MCTP1: variants seen among roughly 807,000 people sequenced by gnomAD.
The protein encoded by MCTP1 is multiple C2 and transmembrane domain containing 1.
A neutral mutation model predicts 120.6 loss-of-function variants in MCTP1; 69 were observed. The observed-to-expected ratio is 0.57, with a 90% confidence interval of 0.47 to 0.70. The LOEUF (loss-of-function observed/expected upper bound fraction) is 0.70, where lower values mean the gene tolerates loss of function less well. MCTP1 is among the 30% of genes least tolerant of loss of function. The probability of loss-of-function intolerance (pLI) is 0.00; values close to 1 mark genes in which losing one functional copy is unlikely to be tolerated. For synonymous variants in MCTP1, 529 were observed against 493.1 expected (o/e 1.07, Z -0.96); for missense variants, 1,203 against 1,248.8 (o/e 0.96, Z 0.55).
chr5:94,815,045 A>G (rs2153080103), intron 17 of MCTP1, among the ~76,000 whole-genome samples: 1 of 152,274 alleles, frequency 6.6e-6, no homozygotes, highest in South Asian at 2.1e-4. Context: ...GCAGGAATAC[A>G]TGTTATGAGG....
At chr5:95,248,285 G>A (rs992562817) in intron 1 of MCTP1, among the ~76,000 whole-genome samples, 12 of 152,134 alleles carry the variant, frequency 7.9e-5, no homozygotes, top group African/African-American at 2.4e-4. Context: ...CATCGTCTCA[G>A]CCCAAAATCT....
chr5:95,047,927 C>T (rs1319264724), intron 1 of MCTP1, among the ~76,000 whole-genome samples: 1 of 152,126 alleles, frequency 6.6e-6, no homozygotes, highest in African/African-American at 2.4e-5. Flanking sequence ...AAATTTGGTA[C>T]ATACATTGTT....
chr5:95,156,759 T>C (rs1175759303), intron 1 of MCTP1, among the ~76,000 whole-genome samples: 2 of 152,222 alleles, frequency 1.3e-5, no homozygotes, highest in Non-Finnish European at 2.9e-5. Flanking sequence ...TTGTAATTAA[T>C]TGTAAATATT....
intron 1 of MCTP1, among the ~76,000 whole-genome samples, chr5:95,082,090 C>T (rs1291360096): frequency 6.6e-6 from 1 of 152,084 alleles, no homozygotes; most frequent in African/African-American, 2.4e-5. Flanking sequence ...CAAGAAGTGG[C>T]ATGCTTTACA....
intron 18 of MCTP1, among the ~76,000 whole-genome samples, chr5:94,779,486 T>C (rs1580646931): frequency 1.3e-5 from 2 of 152,290 alleles, no homozygotes; most frequent in Middle Eastern, 3.4e-3. Flanking sequence ...GATTCTGCTG[T>C]CTGTATTAAT....
intron 16 of MCTP1, among the ~76,000 whole-genome samples, chr5:94,869,551 T>C (rs1393946586): frequency 6.6e-6 from 1 of 152,074 alleles, no homozygotes; most frequent in African/African-American, 2.4e-5. Flanking sequence ...ATTGCATTTG[T>C]AACTCACACA....
intron 7 of MCTP1, among the ~76,000 whole-genome samples, chr5:94,922,119 A>C (rs1204538128): frequency 6.6e-6 from 1 of 152,214 alleles, no homozygotes; most frequent in African/African-American, 2.4e-5. Flanking sequence ...TCAACTCTTC[A>C]TTGTCATAGG....
intron 20 of MCTP1, among the ~76,000 whole-genome samples, chr5:94,711,727 C>G (rs1465164786): frequency 7.6e-6 from 1 of 131,926 alleles, no homozygotes; most frequent in South Asian, 2.3e-4. Flanking sequence ...GTAGAAGTTA[C>G]AAAAAAAAAA....
intron 2 of MCTP1, among the ~76,000 whole-genome samples, chr5:95,007,799 T>C (rs1382689769): frequency 2.0e-5 from 3 of 152,214 alleles, no homozygotes; most frequent in Non-Finnish European, 4.4e-5. Context: ...TACATTCTTA[T>C]TCCACCTTGA....
chr5:94,961,993 T>G (rs917310581), intron 2 of MCTP1, among the ~76,000 whole-genome samples: 2 of 152,096 alleles, frequency 1.3e-5, no homozygotes, highest in Admixed American at 1.3e-4. Context: ...CTCTGTGGGT[T>G]GACAATTCTC....
chr5:95,152,594 C>T (rs987941350), intron 1 of MCTP1, among the ~76,000 whole-genome samples: 1 of 152,152 alleles, frequency 6.6e-6, no homozygotes, highest in Non-Finnish European at 1.5e-5. Context: ...GCTTCATTAA[C>T]GAGGGTTATC....
chr5:94,939,878 G>A (rs1015678353), intron 5 of MCTP1, among the ~76,000 whole-genome samples: 7 of 152,028 alleles, frequency 4.6e-5, no homozygotes, highest in African/African-American at 1.7e-4. Flanking sequence ...TTTACAACAA[G>A]AGGTTCTGAT....
In MCTP1 at chr5:94,714,983, TAAAC is replaced by T; in HGVS notation, c.2611-101_2611-98del. On this transcript the variant is annotated intron_variant, in intron 19 of 22. Coordinates refer to ENST00000515393, the MANE Select transcript of MCTP1 (RefSeq NM_024717.7). ...CCTCTGTTACATTTTTAAACTTAAA[TAAAC>T]TTCATTTTCGTGTGGTTATAAATGG... 9.4e-6 allele frequency: 7 copies of T among 742,598 alleles called. No homozygotes were observed. In the Middle Eastern group the frequency reaches 8.4e-4, roughly 89 times the overall value. 46.0% of individuals were successfully genotyped at this position (742,598 alleles called of 1,614,324 possible).
chr5:95,279,442 T>C (rs1760134721), intron 1 of MCTP1, among the ~76,000 whole-genome samples: 1 of 152,222 alleles, frequency 6.6e-6, no homozygotes, highest in Non-Finnish European at 1.5e-5. Context: ...AGGCTACTTT[T>C]TCCAACACTG....
At chr5:94,710,742 G>A in intron 21 of MCTP1, 76 bp downstream of exon 21, 1 of 892,228 alleles carries the variant, frequency 1.1e-6, no homozygotes, top group Non-Finnish European at 1.8e-6. Context: ...ACTGCTGACA[G>A]TGTAACTCAT....
rs376321789 is a variant in MCTP1 at position 95,216,240 on chromosome 5, C to A, written c.720+67616G>T. On this transcript the variant is annotated intron_variant, in intron 1 of 22. Coordinates refer to ENST00000515393, the MANE Select transcript of MCTP1 (RefSeq NM_024717.7). ...CTTGACTTTGGAAATGCCTTTGTGT[C>A]ATGTTATTTACAGATAACTCAGTAA... Among the ~76,000 whole-genome samples the A allele has an allele frequency of 3.3e-5, 5 of 152,286 alleles. No homozygotes were observed. The South Asian group carries it at 1.0e-3, about 32-fold the overall frequency.
intron 17 of MCTP1, among the ~76,000 whole-genome samples, chr5:94,816,231 C>T (rs932755031): frequency 6.6e-6 from 1 of 151,998 alleles, no homozygotes; most frequent in African/African-American, 2.4e-5. Context: ...ATGGATACAA[C>T]ATTAGATGTG....
intron 1 of MCTP1, among the ~76,000 whole-genome samples, chr5:95,060,912 T>C (rs893029365): frequency 1.2e-4 from 18 of 149,142 alleles, no homozygotes; most frequent in Admixed American, 4.7e-4. Context: ...AGGCAGAGGT[T>C]GTAGTGGGCA....
intron 1 of MCTP1, among the ~76,000 whole-genome samples, chr5:95,070,794 G>C (rs1461470316): frequency 6.6e-6 from 1 of 152,196 alleles, no homozygotes; most frequent in Admixed American, 6.5e-5. Context: ...GCCTAAGAGG[G>C]ATTGCAGAGG....
Sources: gnomAD v4.1 joint callset for allele counts (sites outside exome capture counted in the v4.1 genomes callset) on GRCh38, gnomAD v4.1.1 for gene constraint, MANE v1.5 for transcripts, NCBI Gene and HGNC (gene_info 2026-07-23, HGNC 2026-07-21) for gene names.